Variants in ABCA13 observed in about 807,000 individuals in gnomAD.
The protein encoded by ABCA13 is ATP binding cassette subfamily A member 13.
ABCA13 carries 476 observed loss-of-function variants against 478.7 expected under a neutral mutation model. The ratio of observed to expected loss-of-function variants is 0.99; its 90% CI spans 0.92 to 1.07. The LOEUF (loss-of-function observed/expected upper bound fraction) is 1.07, where lower values mean the gene tolerates loss of function less well. Ranked by LOEUF, ABCA13 falls within the 50% of genes least tolerant of loss-of-function variation. The pLI is 0.00. For synonymous variants in ABCA13, 2,252 were observed against 2,158.9 expected (o/e 1.04, Z -1.20); for missense variants, 6,060 against 5,910.6 (o/e 1.03, Z -0.83).
intron 3 of ABCA13, among the ~76,000 whole-genome samples, chr7:48,204,649 T>A (rs1784698976): frequency 6.6e-6 from 1 of 152,178 alleles, no homozygotes; most frequent in African/African-American, 2.4e-5. Flanking sequence ...TCCCCTCCCC[T>A]TCCTCCGCAC....
At chr7:48,583,211 G>C (rs1315101896) in intron 56 of ABCA13, among the ~76,000 whole-genome samples, 3 of 152,140 alleles carry the variant, frequency 2.0e-5, no homozygotes, top group Non-Finnish European at 4.4e-5. Flanking sequence ...CTTCTGTAAA[G>C]ACATGACTTT....
chr7:48,455,895 A>G lies in ABCA13; in HGVS notation c.12815+609A>G, dbSNP rs565518539. Among the ~76,000 whole-genome samples, 15 of 152,366 alleles carry G rather than the reference A, an allele frequency of 9.8e-5. No individual in the cohort carries two copies. The South Asian group carries it at 3.1e-3, about 32-fold the overall frequency. On this transcript the variant is annotated intron_variant, in intron 43 of 61. Coordinates refer to ENST00000435803, the MANE Select transcript of ABCA13 (RefSeq NM_152701.5). ...TCAGAGCTTTCTGGGTTGCAGATTCATACACAAGGGTTGGGAACCTAAGAT... is the reference window on the plus strand; with the variant it reads ...TCAGAGCTTTCTGGGTTGCAGATTCGTACACAAGGGTTGGGAACCTAAGAT...
At chr7:48,213,515 C>T (rs1233426144) in intron 3 of ABCA13, among the ~76,000 whole-genome samples, 3 of 152,106 alleles carry the variant, frequency 2.0e-5, no homozygotes, top group South Asian at 2.1e-4. Flanking sequence ...GTTTTGTTGC[C>T]GATGACTGCT....
intron 3 of ABCA13, among the ~76,000 whole-genome samples, chr7:48,203,549 A>G (rs963042373): frequency 5.3e-5 from 8 of 152,178 alleles, no homozygotes; most frequent in Admixed American, 3.9e-4. Flanking sequence ...GTACCATCTG[A>G]TGTAGCTTAT....
intron 2 of ABCA13, among the ~76,000 whole-genome samples, chr7:48,194,006 G>A (rs1265928024): frequency 2.9e-5 from 2 of 69,836 alleles, no homozygotes; most frequent in African/African-American, 1.0e-4. Context: ...TGATGATAGC[G>A]ATGAAATGAT....
At chr7:48,517,236 C>A (rs1585674611) in intron 52 of ABCA13, among the ~76,000 whole-genome samples, 1 of 152,048 alleles carries the variant, frequency 6.6e-6, no homozygotes, top group Admixed American at 6.6e-5. Flanking sequence ...TTGAAACATG[C>A]CCTCTCAATG....
chr7:48,478,987 G>A lies in ABCA13; in HGVS notation c.12976-2049G>A, dbSNP rs540573716. Reference sequence around the variant, plus strand: ...TTTTGAGATGTAGTCTCGCTCTGTCGCCCAGGCTGGAGTGCAGTGGCGCGA... The same window carrying A: ...TTTTGAGATGTAGTCTCGCTCTGTCACCCAGGCTGGAGTGCAGTGGCGCGA... On this transcript the variant is annotated intron_variant, in intron 45 of 61. Coordinates refer to ENST00000435803, the MANE Select transcript of ABCA13 (RefSeq NM_152701.5). Among the ~76,000 whole-genome samples the A allele has an allele frequency of 1.7e-4, 24 of 143,256 alleles. No homozygotes were observed. The East Asian group carries it at 2.0e-3, about 12-fold the overall frequency. The allele number at this position is 143,256 out of a possible 152,430, so 94.0% of individuals were successfully genotyped here.
intron 38 of ABCA13, among the ~76,000 whole-genome samples, chr7:48,403,337 T>A (rs1269508319): frequency 6.6e-6 from 1 of 152,140 alleles, no homozygotes; most frequent in Non-Finnish European, 1.5e-5. Context: ...TCCACCATAC[T>A]CCATACCCTG....
At chr7:48,583,903 A>G (rs1442939395) in intron 56 of ABCA13, among the ~76,000 whole-genome samples, 1 of 152,224 alleles carries the variant, frequency 6.6e-6, no homozygotes, top group African/African-American at 2.4e-5. Context: ...AAACTAATAC[A>G]TTTGTTCCTG....
At chr7:48,494,553 G>A (rs367949771) in intron 48 of ABCA13, among the ~76,000 whole-genome samples, 9 of 152,264 alleles carry the variant, frequency 5.9e-5, no homozygotes, top group African/African-American at 2.2e-4. Context: ...GAATCAGGGA[G>A]TAAGAAACAA....
chr7:48,172,888 G>C (rs1208226858), intron 1 of ABCA13, among the ~76,000 whole-genome samples: 21 of 148,786 alleles, frequency 1.4e-4, no homozygotes. Flanking sequence ...TTGTTAGTGT[G>C]TTCGTGTCTG....
intron 38 of ABCA13, among the ~76,000 whole-genome samples, chr7:48,392,430 A>G (rs1393693851): frequency 6.6e-6 from 1 of 152,170 alleles, no homozygotes; most frequent in Non-Finnish European, 1.5e-5. Context: ...ATCTGGAGTA[A>G]AAGGTCCCTA....
rs539721823 is a variant in ABCA13 at position 48,391,159 on chromosome 7, C to T, written c.11655-762C>T. ...TGGTTTTAACACACACAGACTATCC[C>T]GGGAGCAGCGGAAAGAAGACTGGCT... On this transcript the variant is annotated intron_variant, in intron 37 of 61. Coordinates refer to ENST00000435803, the MANE Select transcript of ABCA13 (RefSeq NM_152701.5). Among the ~76,000 whole-genome samples the T allele has an allele frequency of 3.9e-5, 6 of 152,230 alleles. No homozygotes were observed. The East Asian group carries it at 7.7e-4, about 20-fold the overall frequency.
chr7:48,207,499 G>A (rs1785076089), intron 3 of ABCA13, among the ~76,000 whole-genome samples: 1 of 152,090 alleles, frequency 6.6e-6, no homozygotes, highest in Admixed American at 6.6e-5. Flanking sequence ...ATTTTAACTG[G>A]GATGAGATCA....
intron 3 of ABCA13, among the ~76,000 whole-genome samples, chr7:48,216,524 TC>T (rs1019781063): frequency 6.6e-6 from 1 of 152,238 alleles, no homozygotes. Flanking sequence ...TCCACATCTT[TC>T]CCCCCCATTT....
intron 42 of ABCA13, among the ~76,000 whole-genome samples, chr7:48,450,303 G>A (rs1343649927): frequency 1.3e-5 from 2 of 152,116 alleles, no homozygotes; most frequent in African/African-American, 4.8e-5. Context: ...TTTATTTCCT[G>A]AATAAGTGTA....
rs751213001 is a variant in ABCA13 at position 48,506,338 on chromosome 7, A to G, written c.13294A>G (p.Ile4432Val). The G allele has an allele frequency of 1.9e-6, 3 of 1,613,854 alleles. No homozygotes were observed. Among genetic ancestry groups the G allele is most frequent in the Non-Finnish European group, 2.5e-6 (3 of 1,179,768 alleles). The part of the protein sequence containing the change: ...PPTVDWRQYG[I>V]TLYSHPYGGA... ...ACTTTTCAATTTGTCTTTCACAGGA[A>G]TAACACTCTACAGCCACCCATATGG... is the stretch of plus-strand genomic sequence containing the variant. Residue 4432 changes from isoleucine to valine, a missense_variant and splice_region_variant, in exon 49 of 62, where the codon ATA (isoleucine) becomes GTA (valine). Around this residue, in one of 3 missense-constraint regions of ABCA13, gnomAD observed 1,627 missense variants for 1,571.0 expected, o/e 1.04. Transcript: ENST00000435803.
In ABCA13 at chr7:48,272,097, T is replaced by G; in HGVS notation, c.2431T>G (p.Trp811Gly). ...IWKMQTLGSH[W>G]IRKEPKNLLR... ...GAAAATGCAGACTCTCGGAAGTCAC[T>G]GGATAAGGAAGGAACCAAAAAATCT... The change falls in exon 17 of 62, where the codon TGG becomes GGG. Residue 811 changes from tryptophan (W) to glycine (G), a missense_variant. By Grantham distance (184) the Trp-to-Gly change is radical. Around this residue, in one of 3 missense-constraint regions of ABCA13, gnomAD observed 4,423 missense variants for 4,309.1 expected, o/e 1.03. Transcript: ENST00000435803. 6.2e-7 allele frequency: 1 copy of G among 1,613,764 alleles called. No homozygotes were observed. The highest frequency in any genetic ancestry group is 2.2e-5 in the East Asian group (1 of 44,868).
At position 48,297,188 on chromosome 7, in the gene ABCA13, T is replaced by C. The variant is rs745880049; in HGVS notation, c.9120-44T>C. ...TTATTCATTCCAACACTGTTTCTGA[T>C]GTTTTAGCTTGCCTAATTTAGCTTT... On this transcript the variant is annotated intron_variant, in intron 21 of 61. Transcript: ENST00000435803. 2.7e-6 allele frequency: 4 copies of C among 1,464,658 alleles called. No homozygotes were observed. In the South Asian group the frequency reaches 4.9e-5, roughly 18 times the overall value. 90.7% of individuals were successfully genotyped at this position (1,464,658 alleles called of 1,614,324 possible).
Sources: allele counts gnomAD v4.1 joint callset (sites outside exome capture counted in the v4.1 genomes callset), GRCh38; gene constraint gnomAD v4.1.1; regional missense constraint gnomAD v4.1.1; transcripts MANE v1.5; gene names NCBI Gene and HGNC (gene_info 2026-07-23, HGNC 2026-07-21).